RNFT2: variants seen among roughly 807,000 people sequenced by gnomAD.
The protein encoded by RNFT2 is E3 ubiquitin-protein ligase RNFT2.
RNFT2 carries 36 observed loss-of-function variants against 53.0 expected under a neutral mutation model. The ratio of observed to expected loss-of-function variants is 0.68; its 90% CI spans 0.52 to 0.90. The LOEUF is 0.90. RNFT2 is among the 40% of genes least tolerant of loss of function. RNFT2 has a pLI of 0.00. For synonymous variants in RNFT2, 260 were observed against 253.2 expected, an observed-to-expected ratio of 1.03 and a Z score of -0.26; for missense variants, 514 against 585.6, an observed-to-expected ratio of 0.88 and a Z score of 1.26.
Position 116,851,881 on chromosome 12 carries a change from T to A in RNFT2, c.*2433T>A. The A allele has an allele frequency of 6.5e-7, 1 of 1,535,704 alleles. No homozygotes were observed. Among genetic ancestry groups the A allele is most frequent in the Non-Finnish European group, 8.7e-7 (1 of 1,146,232 alleles). ...TCTTTCTCCTCTTCCTATTCTGTCA[T>A]CTCCCTCACTTAAGTCTCAGGCCTG... On this transcript the variant is annotated 3_prime_UTR_variant, in exon 11 of 11. Coordinates refer to ENST00000257575, the MANE Select transcript of RNFT2 (RefSeq NM_001382266.1).
intron 3 of RNFT2, among the ~76,000 whole-genome samples, chr12:116,744,904 G>GGA (rs1463319525): frequency 2.6e-5 from 4 of 152,104 alleles, no homozygotes; most frequent in African/African-American, 9.7e-5. Flanking sequence ...GGGTGGCCAC[G>GGA]GAGAGAGAGT....
chr12:116,821,663 G>T (rs1314579338), intron 7 of RNFT2, among the ~76,000 whole-genome samples: 1 of 152,146 alleles, frequency 6.6e-6, no homozygotes, highest in African/African-American at 2.4e-5. Context: ...GCCCCCTCTG[G>T]CCCAGGAGGC....
chr12:116,749,912 A>C lies in RNFT2; in HGVS notation c.155A>C (p.Glu52Ala). The change falls in exon 4 of 11, where the codon GAG (glutamate) becomes GCG (alanine). Residue 52 changes from glutamate to alanine, a missense_variant. Physicochemically the swap from Glu to Ala is moderately radical, Grantham distance 107 (BLOSUM62 -1). This residue lies in a region of RNFT2 where 237 missense variants were observed against 235.1 expected (regional missense o/e 1.01). Transcript: ENST00000257575. ...GGCGTCTTTGAGAGTCTGAAGGCAG[A>C]GGCAGCCTCCCCACCAGCGCTCTTC... ...EGGVFESLKAEAASPPALFSG... is the reference protein window; with the variant it reads ...EGGVFESLKAAAASPPALFSG... 1 of 1,586,616 alleles carries C rather than the reference A, an allele frequency of 6.3e-7. No individual in the cohort carries two copies. The highest frequency in any genetic ancestry group is 1.2e-5 in the South Asian group (1 of 86,828).
chr12:116,812,955 G>A (rs931236427), intron 7 of RNFT2, among the ~76,000 whole-genome samples: 1 of 150,334 alleles, frequency 6.7e-6, no homozygotes, highest in Non-Finnish European at 1.5e-5. Flanking sequence ...TTTGTCATTT[G>A]TTTTTGTTTT....
intron 6 of RNFT2, among the ~76,000 whole-genome samples, chr12:116,769,314 C>T (rs1026282317): frequency 2.0e-5 from 3 of 152,086 alleles, no homozygotes; most frequent in Admixed American, 6.5e-5. Flanking sequence ...GCCGTGATCA[C>T]GCCACTGCAC....
intron 10 of RNFT2, among the ~76,000 whole-genome samples, chr12:116,845,616 A>G (rs1265537276): frequency 6.6e-6 from 1 of 152,130 alleles, no homozygotes; most frequent in Non-Finnish European, 1.5e-5. Context: ...CAATGACATC[A>G]GTTACTCCAG....
chr12:116,828,049 G>A (rs923959063), intron 7 of RNFT2, among the ~76,000 whole-genome samples: 2 of 152,174 alleles, frequency 1.3e-5, no homozygotes, highest in Admixed American at 6.5e-5. Context: ...ACACAGGGAC[G>A]TTTCATGGGG....
At position 116,841,898 on chromosome 12, in the gene RNFT2, T is replaced by C; in HGVS notation, c.1200+5616T>C. On this transcript the variant is annotated intron_variant, in intron 10 of 10. Transcript: ENST00000257575. ...ATATATATAAATATATATAAAAATA[T>C]ATATATATAAATATATATATAAAAA... Among the ~76,000 whole-genome samples, 3 of 37,226 alleles carry C rather than the reference T, an allele frequency of 8.1e-5. 1 individual carries two copies. Among genetic ancestry groups the C allele is most frequent in the Non-Finnish European group, 7.8e-5 (2 of 25,670 alleles). The allele number at this position is 37,226 out of a possible 152,430, so 24.4% of individuals were successfully genotyped here.
At position 116,821,802 on chromosome 12, in the gene RNFT2, C is replaced by CTTTTTTTTTT. The variant is rs149043452; in HGVS notation, c.883-11967_883-11958dup. Among the ~76,000 whole-genome samples the CTTTTTTTTTT allele has an allele frequency of 6.4e-4, 28 of 43,930 alleles. 4 individuals are homozygous for CTTTTTTTTTT. Among genetic ancestry groups the CTTTTTTTTTT allele is most frequent in the African/African-American group, 1.8e-3 (18 of 9,776 alleles). 28.8% of individuals were successfully genotyped at this position (43,930 alleles called of 152,430 possible). On this transcript the variant is annotated intron_variant, in intron 7 of 10. Coordinates refer to ENST00000257575, the MANE Select transcript of RNFT2 (RefSeq NM_001382266.1). ...TCCTCCTTTTTCTGACTACTTGTTT[C>CTTTTTTTTTT]TTTTTTTTTTTTTTTTTTTTTTTTT...
chr12:116,796,904 G>T (rs34269187), intron 7 of RNFT2, among the ~76,000 whole-genome samples: 80 of 152,320 alleles, frequency 5.3e-4, no homozygotes, highest in Non-Finnish European at 1.0e-3. Flanking sequence ...GCTGGAAGAA[G>T]GTTAAGTAGT....
intron 7 of RNFT2, among the ~76,000 whole-genome samples, chr12:116,815,086 G>C (rs541387596): frequency 6.6e-6 from 1 of 152,076 alleles, no homozygotes; most frequent in African/African-American, 2.4e-5. Context: ...TTTACACTGG[G>C]TATCATAAAT....
Position 116,852,576 on chromosome 12 carries a change from C to T in RNFT2, c.*3128C>T. The T allele has an allele frequency of 6.2e-7, 1 of 1,612,344 alleles. No individual in the cohort carries two copies. Among genetic ancestry groups the T allele is most frequent in the South Asian group, 1.1e-5 (1 of 90,802 alleles). On this transcript the variant is annotated 3_prime_UTR_variant, in exon 11 of 11. Transcript: ENST00000257575. ...ATGCAGCTGCTCTGTTCTCCCTACC[C>T]TGAGGAAAAACCAAAGGGAAGCAAC...
chr12:116,791,057 A>G (rs2137134321), intron 7 of RNFT2, among the ~76,000 whole-genome samples: 1 of 152,326 alleles, frequency 6.6e-6, no homozygotes, highest in East Asian at 1.9e-4. Flanking sequence ...TACAACCACC[A>G]CCTCTGTCTA....
At chr12:116,789,458 ATGGATGGG>A (rs1874113203) in intron 7 of RNFT2, among the ~76,000 whole-genome samples, 1 of 140,012 alleles carries the variant, frequency 7.1e-6, no homozygotes, top group South Asian at 2.6e-4. Context: ...GGATGGATGG[ATGGATGGG>A]TGGATGGGTA....
chr12:116,779,167 C>G, intron 6 of RNFT2, 28 bp from the exon 7 acceptor site: 3 of 1,613,638 alleles, frequency 1.9e-6, no homozygotes, highest in Non-Finnish European at 2.5e-6. Flanking sequence ...CTAAGGGAAC[C>G]TTCTGACTCT....
chr12:116,738,515 C>A (rs918065164), intron 1 of RNFT2, 145 bp downstream of exon 1: 5 of 152,122 alleles, frequency 3.3e-5, no homozygotes, highest in African/African-American at 9.7e-5. Flanking sequence ...GTGCACCTGC[C>A]GGCTTCCAGT....
intron 4 of RNFT2, among the ~76,000 whole-genome samples, chr12:116,752,479 A>C (rs770004036): frequency 2.3e-4 from 35 of 152,302 alleles, no homozygotes; most frequent in Admixed American, 1.2e-3. Flanking sequence ...GAGTACCAAA[A>C]AGGATTATGG....
At chr12:116,844,533 C>T (rs1030678264) in intron 10 of RNFT2, among the ~76,000 whole-genome samples, 6 of 152,164 alleles carry the variant, frequency 3.9e-5, no homozygotes, top group Non-Finnish European at 8.8e-5. Flanking sequence ...CCGTGCCTGG[C>T]CATTATGTTT....
chr12:116,833,634 C>G (rs749014850), intron 7 of RNFT2, among the ~76,000 whole-genome samples, 158 bp from the exon 8 acceptor site: 1 of 152,204 alleles, frequency 6.6e-6, no homozygotes, highest in East Asian at 1.9e-4. Context: ...CTGGCCATAT[C>G]GCAGCCCCAT....
Sources: allele counts gnomAD v4.1 joint callset (sites outside exome capture counted in the v4.1 genomes callset), GRCh38; gene constraint gnomAD v4.1.1; regional missense constraint gnomAD v4.1.1; transcripts MANE v1.5; gene names NCBI Gene and HGNC (gene_info 2026-07-23, HGNC 2026-07-21).